Variants in SLC25A26 observed in about 807,000 individuals in gnomAD.
SLC25A26 encodes the protein mitochondrial S-adenosylmethionine carrier protein.
In SLC25A26, 36 loss-of-function variants were observed where a neutral mutation model predicts 37.8. The ratio of observed to expected loss-of-function variants is 0.95; its 90% CI spans 0.73 to 1.26. SLC25A26 has a LOEUF of 1.26. SLC25A26 is among the 50% of genes most tolerant of loss of function. The probability of loss-of-function intolerance (pLI) is 0.00; values close to 1 mark genes in which losing one functional copy is unlikely to be tolerated. For synonymous variants in SLC25A26, 129 were observed against 122.5 expected, an observed-to-expected ratio of 1.05 and a Z score of -0.35; for missense variants, 390 against 331.1, an observed-to-expected ratio of 1.18 and a Z score of -1.38.
chr3:66,322,432 A>G (rs7642317), intron 5 of SLC25A26, among the ~76,000 whole-genome samples: 35,166 of 152,120 alleles, frequency 0.23, 5,514 homozygotes, highest in East Asian at 0.7. Flanking sequence ...TTTCAATCTC[A>G]TTACAGCTGC....
intron 6 of SLC25A26, among the ~76,000 whole-genome samples, chr3:66,357,396 A>T (rs1268893954): frequency 6.6e-6 from 1 of 152,252 alleles, no homozygotes; most frequent in Non-Finnish European, 1.5e-5. Flanking sequence ...CCTGGGTAAC[A>T]GAACAAGATC....
At chr3:66,263,275 T>A in intron 4 of SLC25A26, 57 bp from the exon 5 acceptor site, 1 of 1,290,722 alleles carries the variant, frequency 7.7e-7, no homozygotes, top group Non-Finnish European at 1.1e-6. Flanking sequence ...GTATACAGAA[T>A]GTCCTTCAGA....
intron 1 of SLC25A26, among the ~76,000 whole-genome samples, chr3:66,210,229 A>G (rs1224428287): frequency 9.2e-5 from 14 of 151,750 alleles, no homozygotes; most frequent in Non-Finnish European, 2.1e-4. Flanking sequence ...ACATTTTTAT[A>G]ATCTAGTGGT....
chr3:66,252,618 C>T (rs1263139518), intron 3 of SLC25A26, among the ~76,000 whole-genome samples: 2 of 152,174 alleles, frequency 1.3e-5, no homozygotes, highest in Non-Finnish European at 2.9e-5. Flanking sequence ...AACAAAGTGT[C>T]CAGCCTAGCA....
chr3:66,279,233 C>T (rs1193794277), intron 5 of SLC25A26, among the ~76,000 whole-genome samples: 2 of 152,090 alleles, frequency 1.3e-5, no homozygotes, highest in African/African-American at 4.8e-5. Flanking sequence ...CCCTTTTACC[C>T]TGGGAATCTT....
chr3:66,201,887 C>A (rs1368301502), intron 1 of SLC25A26, among the ~76,000 whole-genome samples: 1 of 151,982 alleles, frequency 6.6e-6, no homozygotes, highest in East Asian at 1.9e-4. Context: ...CTAAGAAAGA[C>A]AGATGCAATA....
intron 9 of SLC25A26, among the ~76,000 whole-genome samples, chr3:66,373,880 G>A (rs1414431000): frequency 6.6e-6 from 1 of 151,994 alleles, no homozygotes; most frequent in Admixed American, 6.6e-5. Context: ...ACAGAGGGAG[G>A]CTGCTCAGCC....
intron 3 of SLC25A26, among the ~76,000 whole-genome samples, chr3:66,256,745 A>G: frequency 6.6e-6 from 1 of 152,118 alleles, no homozygotes; most frequent in East Asian, 1.9e-4. Flanking sequence ...AAAGATGAAA[A>G]AATTAGCAGG....
At chr3:66,316,797 T>C (rs6774385) in intron 5 of SLC25A26, among the ~76,000 whole-genome samples, 7,654 of 152,168 alleles carry the variant, frequency 0.05, 605 homozygotes, top group African/African-American at 0.17. Flanking sequence ...CCATAGTTCT[T>C]GGAGGTTTTG....
chr3:66,287,000 A>G (rs1265353010), intron 5 of SLC25A26, among the ~76,000 whole-genome samples: 2 of 152,062 alleles, frequency 1.3e-5, no homozygotes, highest in Non-Finnish European at 2.9e-5. Context: ...GCTATCTTAA[A>G]AAAGTCTCAA....
intron 1 of SLC25A26, among the ~76,000 whole-genome samples, chr3:66,202,370 G>A (rs1020123069): frequency 1.3e-5 from 2 of 151,938 alleles, no homozygotes; most frequent in Admixed American, 6.6e-5. Flanking sequence ...ATGGGGGTGC[G>A]GGTGCAAGGG....
chr3:66,173,914 G>T (rs140384350), intron 1 of SLC25A26, among the ~76,000 whole-genome samples: 1 of 152,082 alleles, frequency 6.6e-6, no homozygotes, highest in Non-Finnish European at 1.5e-5. Flanking sequence ...TTAGCTGGGC[G>T]TGGTGGCGCA....
intron 5 of SLC25A26, among the ~76,000 whole-genome samples, chr3:66,326,664 G>A (rs1414823749): frequency 6.6e-6 from 1 of 152,192 alleles, no homozygotes; most frequent in Non-Finnish European, 1.5e-5. Context: ...AAGCAGGAAG[G>A]GAGAGTGAGT....
At chr3:66,168,531 T>C (rs757090847) in intron 1 of SLC25A26, among the ~76,000 whole-genome samples, 16 of 152,346 alleles carry the variant, frequency 1.1e-4, no homozygotes, top group South Asian at 4.1e-4. Context: ...TTTTGACTTA[T>C]GGTCAGAACT....
intron 5 of SLC25A26, among the ~76,000 whole-genome samples, chr3:66,295,733 C>T (rs981510743): frequency 1.3e-4 from 19 of 151,656 alleles, no homozygotes; most frequent in African/African-American, 3.1e-4. Context: ...CTCCTGACCT[C>T]GTGATCCGCC....
chr3:66,332,820 C>T (rs1435744401), intron 5 of SLC25A26, among the ~76,000 whole-genome samples: 1 of 152,170 alleles, frequency 6.6e-6, no homozygotes, highest in Non-Finnish European at 1.5e-5. Context: ...TCTTGCTGCT[C>T]TTGTCTCTCC....
At chr3:66,250,837 A>T (rs1489764461) in intron 3 of SLC25A26, among the ~76,000 whole-genome samples, 1 of 152,306 alleles carries the variant, frequency 6.6e-6, no homozygotes, top group East Asian at 1.9e-4. Flanking sequence ...TTCATTAAAA[A>T]AATTGTGCAT....
intron 1 of SLC25A26, among the ~76,000 whole-genome samples, chr3:66,222,457 A>G (rs781893665): frequency 1.6e-4 from 24 of 152,220 alleles, no homozygotes; most frequent in Admixed American, 5.2e-4. Flanking sequence ...CTGGGACTAC[A>G]GGCGTGAGCC....
Position 66,346,394 on chromosome 3 carries a change from T to C in SLC25A26, c.484T>C (p.Trp162Arg). Residue 162 changes from tryptophan to arginine, a missense_variant, in exon 6 of 10, where the codon TGG (tryptophan) becomes CGG (arginine). Trp to Arg is a moderately radical substitution (Grantham distance 101). Transcript: ENST00000354883. The stretch of plus-strand genomic sequence containing the variant: ...TTTTTCTTTGGTCCAGTTTCCCTTA[T>C]GGGAGTCCTTAAAAGTAAGTTTCTC... ...IPFSLVQFPLWESLKALWSWR... is the reference protein window; with the variant it reads ...IPFSLVQFPLRESLKALWSWR... The C allele has an allele frequency of 6.7e-7, 1 of 1,486,822 alleles. No individual in the cohort carries two copies. The allele number at this position is 1,486,822 out of a possible 1,614,324, so 92.1% of individuals were successfully genotyped here.
Sources: gnomAD v4.1 joint callset for allele counts (sites outside exome capture counted in the v4.1 genomes callset) on GRCh38, gnomAD v4.1.1 for gene constraint, MANE v1.5 for transcripts, NCBI Gene and HGNC (gene_info 2026-07-23, HGNC 2026-07-21) for gene names.